SRP14: variants seen among roughly 807,000 people sequenced by gnomAD.
The protein encoded by SRP14 is signal recognition particle 14 kDa protein.
A neutral mutation model predicts 16.0 loss-of-function variants in SRP14; 1 was observed. The observed-to-expected ratio is 0.06, with a 90% CI of 0.02 to 0.30. The LOEUF (loss-of-function observed/expected upper bound fraction) is 0.30, where lower values mean the gene tolerates loss of function less well. Ranked by LOEUF, SRP14 falls within the 10% of genes least tolerant of loss-of-function variation. The pLI, the probability that SRP14 is intolerant of heterozygous loss-of-function variation, is 1.00. For missense variants in SRP14, 120 were observed against 163.1 expected (o/e 0.74, Z 1.44); for synonymous variants, 67 against 60.1 (o/e 1.12, Z -0.53).
At chr15:40,036,963 CAT>C (rs2035634509) in intron 4 of SRP14, 21 bp downstream of exon 4, 2 of 1,613,694 alleles carry the variant, frequency 1.2e-6, no homozygotes, top group African/African-American at 1.3e-5. Flanking sequence ...AGAAGGGAAA[CAT>C]AAGGAACACC....
At chr15:40,037,517 G>C (rs1325835332) in intron 3 of SRP14, among the ~76,000 whole-genome samples, 1 of 152,038 alleles carries the variant, frequency 6.6e-6, no homozygotes, top group African/African-American at 2.4e-5. Flanking sequence ...TACCTCTGAA[G>C]AACACTCCTT....
In SRP14 at chr15:40,036,398, C is replaced by CTGCTGCTGCTGCGGCAGG; in HGVS notation, c.345_346insCCTGCCGCAGCAGCAGCA (p.Ala115_Ala116insProAlaAlaAlaAlaAla). On this transcript the variant is annotated inframe_insertion, in exon 5 of 5. Coordinates refer to ENST00000267884, the MANE Select transcript of SRP14 (RefSeq NM_003134.6). The stretch of plus-strand genomic sequence containing the variant: ...GGTGCTGTTGCTGCTGCGGCAGGTG[C>CTGCTGCTGCTGCGGCAGG]TGCTGCTGCTGCTGCTGCTGCTGCT... The CTGCTGCTGCTGCGGCAGG allele has an allele frequency of 2.1e-5, 24 of 1,135,230 alleles. No individual in the cohort carries two copies. Among genetic ancestry groups the CTGCTGCTGCTGCGGCAGG allele is most frequent in the Non-Finnish European group, 2.4e-5 (20 of 819,732 alleles). The allele number at this position is 1,135,230 out of a possible 1,614,324, so 70.3% of individuals were successfully genotyped here.
chr15:40,037,185 C>T, intron 3 of SRP14, 167 bp from the exon 4 acceptor site: 1 of 1,225,492 alleles, frequency 8.2e-7, no homozygotes. Context: ...TTCTACTCTA[C>T]TTTCCTCTGC....
intron 4 of SRP14, 126 bp from the exon 5 acceptor site, chr15:40,036,626 G>T: frequency 1.1e-6 from 1 of 928,474 alleles, no homozygotes; most frequent in Non-Finnish European, 1.7e-6. Flanking sequence ...TTGGACACTT[G>T]TACCGGAAAA....
In SRP14 at chr15:40,036,378, T is replaced by C; in HGVS notation, c.366A>G (p.Thr122=). ...AAAAAPAAAA[T]APTTAATTAA... ...CTGTTGTTGCTGCTGTTGTTGGTGC[T>C]GTTGCTGCTGCGGCAGGTGCTGCTG... The change falls in exon 5 of 5, where the codon ACA becomes ACG. Residue 122 remains threonine (T), a synonymous_variant. Coordinates refer to ENST00000267884, the MANE Select transcript of SRP14 (RefSeq NM_003134.6). The C allele has an allele frequency of 6.2e-7, 1 of 1,612,056 alleles. No homozygotes were observed. The highest frequency in any genetic ancestry group is 1.1e-5 in the South Asian group (1 of 90,748).
rs1266632861 is a variant in SRP14, at chr15:40,038,294, C to A, written c.198G>T (p.Lys66Asn). The change falls in exon 3 of 5, where the codon AAG becomes AAT. Residue 66 changes from lysine to asparagine, a missense_variant. Around this residue, in one of 3 missense-constraint regions of SRP14, gnomAD observed 44 missense variants for 93.1 expected, o/e 0.47. Coordinates refer to ENST00000267884, the MANE Select transcript of SRP14 (RefSeq NM_003134.6). ...CLLRATDGKK[K>N]ISTVVSSKEV... is the part of the protein sequence containing the mutation. ...AAATTAAGCTCACCACAGTGCTGATCTTCTTCTTCCCATCGGTAGCTCTTA... is the reference window on the plus strand; with the variant it reads ...AAATTAAGCTCACCACAGTGCTGATATTCTTCTTCCCATCGGTAGCTCTTA... The A allele has an allele frequency of 6.2e-7, 1 of 1,612,690 alleles. No homozygotes were observed. Among genetic ancestry groups the A allele is most frequent in the Non-Finnish European group, 8.5e-7 (1 of 1,178,820 alleles).
intron 4 of SRP14, 53 bp downstream of exon 4, chr15:40,036,933 T>C (rs746585534): frequency 6.3e-7 from 1 of 1,597,048 alleles, no homozygotes; most frequent in Admixed American, 1.7e-5. Context: ...GTGTTCACTA[T>C]CATACTGACT....
chr15:40,037,938 T>A (rs558686726), intron 3 of SRP14, among the ~76,000 whole-genome samples: 2 of 152,272 alleles, frequency 1.3e-5, no homozygotes, highest in Non-Finnish European at 2.9e-5. Flanking sequence ...AAGGAAATAA[T>A]AGCATCACCT....
Position 40,039,120 on chromosome 15 carries a change from G to A in SRP14, c.-4C>T, listed in dbSNP as rs754777646. 10 of 1,610,948 alleles carry A rather than the reference G, an allele frequency of 6.2e-6. No homozygotes were observed. Among genetic ancestry groups the A allele is most frequent in the Non-Finnish European group, 8.5e-6 (10 of 1,179,128 alleles). On this transcript the variant is annotated 5_prime_UTR_variant, in exon 1 of 5. Transcript: ENST00000267884. Reference sequence around the variant, plus strand: ...GCTCGCTCTCCAACAACACCATCGCGGCGACGCTGGCTCGACTCCCTCCGC... The same window carrying A: ...GCTCGCTCTCCAACAACACCATCGCAGCGACGCTGGCTCGACTCCCTCCGC...
At chr15:40,036,757 T>C (rs750267606) in intron 4 of SRP14, 9 of 632,988 alleles carry the variant, frequency 1.4e-5, no homozygotes, top group East Asian at 2.7e-5. Flanking sequence ...TGTTCAACTA[T>C]AGTATAGGTA....
chr15:40,038,492 C>T (rs937215), intron 2 of SRP14, 98 bp from the exon 3 acceptor site: 731,482 of 814,092 alleles, frequency 0.9, 329,316 homozygotes, highest in Admixed American at 0.95. Flanking sequence ...GATGACCTAA[C>T]CCAGCCCCGC....
chr15:40,038,713 C>T, intron 2 of SRP14, 163 bp downstream of exon 2: 5 of 740,252 alleles, frequency 6.8e-6, no homozygotes, highest in South Asian at 1.8e-5. Flanking sequence ...GGGGACTGAG[C>T]CAGCTACAAT....
At chr15:40,036,536 A>G (rs763829175) in intron 4 of SRP14, 36 bp from the exon 5 acceptor site, 44 of 1,597,684 alleles carry the variant, frequency 2.8e-5, no homozygotes, top group Non-Finnish European at 3.6e-5. Context: ...TAGTGGGAAG[A>G]TGTGCAAACT....
At position 40,038,330 on chromosome 15, in the gene SRP14, G is replaced by A. The variant is rs183490921; in HGVS notation, c.162C>T (p.Asn54=). The change falls in exon 3 of 5, where the codon AAC becomes AAT. Residue 54 remains asparagine (N), a synonymous_variant. Transcript: ENST00000267884. ...GTVEGFEPAD[N]KCLLRATDGK... is the part of the protein sequence containing the mutation. ...CATCGGTAGCTCTTAACAGACACTT[G>A]TTGTCTGCGGGCTCAAAGCCCTCCA... The A allele has an allele frequency of 5.6e-6, 9 of 1,613,994 alleles. No homozygotes were observed. The highest frequency in any genetic ancestry group is 7.6e-6 in the Non-Finnish European group (9 of 1,179,894).
chr15:40,037,830 A>G (rs1043761758), intron 3 of SRP14, among the ~76,000 whole-genome samples: 2 of 152,178 alleles, frequency 1.3e-5, no homozygotes, highest in South Asian at 4.1e-4. Context: ...GCCTTATTCA[A>G]CCTCCACTGA....
At chr15:40,037,049 T>C (rs1213520582) in intron 3 of SRP14, 31 bp from the exon 4 acceptor site, 2 of 1,610,744 alleles carry the variant, frequency 1.2e-6, no homozygotes, top group Non-Finnish European at 1.7e-6. Context: ...AGGTCATACC[T>C]ATTATCCATA....
intron 3 of SRP14, chr15:40,037,412 T>C (rs72731412): frequency 0.12 from 134,381 of 1,100,576 alleles, 8,616 homozygotes; most frequent in Non-Finnish European, 0.14. Flanking sequence ...ATAGAAGATA[T>C]ATTTAAACTA....
chr15:40,036,902 C>A (rs2035632924), intron 4 of SRP14, 84 bp downstream of exon 4: 1 of 1,493,856 alleles, frequency 6.7e-7, no homozygotes, highest in Admixed American at 1.7e-5. Flanking sequence ...GAGCAGTGAA[C>A]CCAAGTATCA....
chr15:40,037,279 G>GTAAAAAAAAAAAAAAAAAA, intron 3 of SRP14: 1 of 740,792 alleles, frequency 1.3e-6, no homozygotes, highest in South Asian at 2.8e-5. Context: ...TCCTTTTGGG[G>GTAAAAAAAAAAAAAAAAAA]AAAAAAAAAA....
Sources: allele counts gnomAD v4.1 joint callset (sites outside exome capture counted in the v4.1 genomes callset), GRCh38; gene constraint gnomAD v4.1.1; regional missense constraint gnomAD v4.1.1; transcripts MANE v1.5; gene names NCBI Gene and HGNC (gene_info 2026-07-23, HGNC 2026-07-21).